Variants in TBC1D2B observed in about 807,000 individuals in gnomAD.
TBC1D2B encodes the protein TBC1 domain family member 2B.
A neutral mutation model predicts 100.8 loss-of-function variants in TBC1D2B; 64 were observed. The observed-to-expected ratio is 0.64, with a 90% CI of 0.52 to 0.78. TBC1D2B has a LOEUF of 0.78. Among genes scored for constraint, TBC1D2B ranks in the 30% least tolerant of loss-of-function variants. TBC1D2B has a pLI of 0.00. For synonymous variants in TBC1D2B, 480 were observed against 479.7 expected (o/e 1.00, Z -0.01); for missense variants, 1,052 against 1,218.4 (o/e 0.86, Z 2.03).
chr15:78,012,194 A>G (rs2072248910), intron 9 of TBC1D2B, among the ~76,000 whole-genome samples: 1 of 152,252 alleles, frequency 6.6e-6, no homozygotes, highest in Non-Finnish European at 1.5e-5. Context: ...CAGTCACAGC[A>G]AAGTCCAGTG....
intron 8 of TBC1D2B, among the ~76,000 whole-genome samples, chr15:78,014,047 AG>A (rs2072305886): frequency 1.3e-5 from 2 of 152,210 alleles, no homozygotes; most frequent in Admixed American, 6.5e-5. Context: ...CAAAGAATGC[AG>A]GGGGCTCTAG....
chr15:78,073,467 C>A (rs1339247815), intron 1 of TBC1D2B, among the ~76,000 whole-genome samples: 1 of 152,098 alleles, frequency 6.6e-6, no homozygotes, highest in East Asian at 1.9e-4. Flanking sequence ...GAAGTCTGAG[C>A]AGGGCTAAAT....
At chr15:78,045,197 AC>A in intron 2 of TBC1D2B, 129 bp from the exon 3 acceptor site, 1 of 780,236 alleles carries the variant, frequency 1.3e-6, no homozygotes, top group Non-Finnish European at 1.9e-6. Context: ...TTTAATGTAT[AC>A]TACATAAAAA....
At chr15:78,076,714 G>A (rs1297683129) in intron 1 of TBC1D2B, among the ~76,000 whole-genome samples, 1 of 152,196 alleles carries the variant, frequency 6.6e-6, no homozygotes, top group Non-Finnish European at 1.5e-5. Context: ...TCGCACCCCT[G>A]CACTCCAGCC....
At chr15:78,041,916 A>G (rs2073100773) in intron 3 of TBC1D2B, among the ~76,000 whole-genome samples, 1 of 152,216 alleles carries the variant, frequency 6.6e-6, no homozygotes, top group South Asian at 2.1e-4. Context: ...TCATCATGCT[A>G]TCAATCTCAT....
intron 10 of TBC1D2B, among the ~76,000 whole-genome samples, chr15:78,004,824 T>A (rs913230489): frequency 2.6e-5 from 4 of 152,224 alleles, no homozygotes; most frequent in African/African-American, 9.7e-5. Context: ...GGGTTTCACA[T>A]CCTGTGAATA....
At chr15:78,016,476 G>T in intron 8 of TBC1D2B, 70 bp downstream of exon 8, 1 of 1,444,540 alleles carries the variant, frequency 6.9e-7, no homozygotes, top group Non-Finnish European at 9.5e-7. Flanking sequence ...CTCTGCGAAT[G>T]GTTCCTGCTG....
Position 78,054,197 on chromosome 15 carries a change from G to A in TBC1D2B, c.361-10C>T, listed in dbSNP as rs1402047913. On this transcript the variant is annotated splice_polypyrimidine_tract_variant and intron_variant, in intron 1 of 12. Transcript: ENST00000300584. ...GTTGACGATTGGGAGCCTAGAAAGA[G>A]GGAGGGGAAAAACATGTTATGGCCA... 6.2e-7 allele frequency: 1 copy of A among 1,607,880 alleles called. No individual in the cohort carries two copies. Among genetic ancestry groups the A allele is most frequent in the South Asian group, 1.1e-5 (1 of 89,996 alleles).
intron 3 of TBC1D2B, among the ~76,000 whole-genome samples, chr15:78,043,121 T>C (rs2073123406): frequency 6.6e-6 from 1 of 152,192 alleles, no homozygotes; most frequent in Non-Finnish European, 1.5e-5. Flanking sequence ...ACCTATGCCT[T>C]AAAAACTAAA....
At chr15:78,055,377 G>C (rs964315981) in intron 1 of TBC1D2B, among the ~76,000 whole-genome samples, 1 of 151,972 alleles carries the variant, frequency 6.6e-6, no homozygotes, top group African/African-American at 2.4e-5. Context: ...AAATAAACTA[G>C]ACTGCAGGTA....
At chr15:78,027,620 C>T (rs763787809) in intron 4 of TBC1D2B, among the ~76,000 whole-genome samples, 1 of 152,174 alleles carries the variant, frequency 6.6e-6, no homozygotes, top group Non-Finnish European at 1.5e-5. Context: ...AGGCTGTCAT[C>T]CGTCAAGAAA....
intron 1 of TBC1D2B, among the ~76,000 whole-genome samples, chr15:78,057,665 G>A (rs1441889949): frequency 6.6e-6 from 1 of 152,122 alleles, no homozygotes; most frequent in Non-Finnish European, 1.5e-5. Flanking sequence ...AAAATCTAGA[G>A]ATCACTAGAA....
At chr15:78,052,614 C>G (rs1028978272) in intron 2 of TBC1D2B, among the ~76,000 whole-genome samples, 1 of 152,214 alleles carries the variant, frequency 6.6e-6, no homozygotes, top group Non-Finnish European at 1.5e-5. Flanking sequence ...GGGCTAGGCA[C>G]TACTTCTTTG....
intron 3 of TBC1D2B, among the ~76,000 whole-genome samples, chr15:78,040,083 G>A (rs1225173062): frequency 2.6e-5 from 4 of 152,152 alleles, no homozygotes; most frequent in South Asian, 2.1e-4. Flanking sequence ...GAAAATACAC[G>A]CTCAACCGCC....
At chr15:78,055,508 A>C (rs1204335667) in intron 1 of TBC1D2B, among the ~76,000 whole-genome samples, 3 of 152,180 alleles carry the variant, frequency 2.0e-5, no homozygotes, top group Non-Finnish European at 4.4e-5. Context: ...GACATCAGAC[A>C]CAGTGGTTGC....
At chr15:78,028,427 C>A (rs1272300034) in intron 4 of TBC1D2B, among the ~76,000 whole-genome samples, 2 of 152,164 alleles carry the variant, frequency 1.3e-5, no homozygotes, top group African/African-American at 4.8e-5. Context: ...GCCGAGATCG[C>A]GCCACTGCAC....
chr15:78,057,611 A>T (rs966202393), intron 1 of TBC1D2B, among the ~76,000 whole-genome samples: 1 of 152,014 alleles, frequency 6.6e-6, no homozygotes, highest in African/African-American at 2.4e-5. Context: ...GTGCCACTGC[A>T]CTCCAGCCTG....
chr15:77,998,350 A>G lies in TBC1D2B; in HGVS notation c.2702T>C (p.Leu901Pro). The change falls in exon 13 of 13, where the codon CTG becomes CCG. Residue 901 changes from leucine (L) to proline (P), a missense_variant. By Grantham distance (98) the Leu-to-Pro change is moderately conservative (BLOSUM62 -3). Around this residue, in one of 4 missense-constraint regions of TBC1D2B, gnomAD observed 47 missense variants for 88.3 expected, o/e 0.53. Transcript: ENST00000300584. ...FTRTILDARK[L>P]ISISFGDLNP... ...CAGGTCCCCAAAGGAGATACTGATC[A>G]GCTTCCTGGCAGGACGCAGGGGAGA... 6.3e-7 allele frequency: 1 copy of G among 1,577,746 alleles called. No homozygotes were observed. Among genetic ancestry groups the G allele is most frequent in the Non-Finnish European group, 8.6e-7 (1 of 1,162,260 alleles).
At position 78,008,034 on chromosome 15, in the gene TBC1D2B, A is replaced by G. The variant is rs552618054; in HGVS notation, c.2388+963T>C. Among the ~76,000 whole-genome samples the G allele has an allele frequency of 3.3e-5, 5 of 152,346 alleles. No homozygotes were observed. In the South Asian group the frequency reaches 1.0e-3, roughly 32 times the overall value. Reference sequence around the variant, plus strand: ...GCGGGGGCACAGACCTGGAGAAGAGACACGAGACAGGGCAGGCACACACGG... The same window carrying G: ...GCGGGGGCACAGACCTGGAGAAGAGGCACGAGACAGGGCAGGCACACACGG... On this transcript the variant is annotated intron_variant, in intron 10 of 12. Transcript: ENST00000300584.
Sources: allele counts gnomAD v4.1 joint callset (sites outside exome capture counted in the v4.1 genomes callset), GRCh38; gene constraint gnomAD v4.1.1; regional missense constraint gnomAD v4.1.1; transcripts MANE v1.5; gene names NCBI Gene and HGNC (gene_info 2026-07-23, HGNC 2026-07-21).